Variants in ANTXR1 observed in about 807,000 individuals in gnomAD.
ANTXR1 encodes ANTXR cell adhesion molecule 1.
ANTXR1 carries 19 observed loss-of-function variants against 78.1 expected under a neutral mutation model. The observed-to-expected ratio is 0.24, with a 90% CI of 0.17 to 0.36. ANTXR1 has a LOEUF of 0.36. ANTXR1 is among the 10% of genes least tolerant of loss of function. The pLI, the probability that ANTXR1 is intolerant of heterozygous loss-of-function variation, is 1.00. For synonymous variants in ANTXR1, 273 were observed against 260.5 expected (o/e 1.05, Z -0.46); for missense variants, 518 against 718.6 (o/e 0.72, Z 3.19).
chr2:69,202,162 G>A (rs62134902), intron 17 of ANTXR1, among the ~76,000 whole-genome samples: 18,148 of 151,996 alleles, frequency 0.12, 1,158 homozygotes, highest in Non-Finnish European at 0.15. Context: ...GAACCCTGAG[G>A]GTCACATCCT....
At chr2:69,190,273 G>C (rs1674518030) in intron 16 of ANTXR1, among the ~76,000 whole-genome samples, 1 of 152,220 alleles carries the variant, frequency 6.6e-6, no homozygotes, top group African/African-American at 2.4e-5. Flanking sequence ...GATGCCGTGG[G>C]TGGCCTTAGC....
intron 1 of ANTXR1, among the ~76,000 whole-genome samples, chr2:69,026,694 A>G (rs192072928): frequency 2.1e-4 from 32 of 152,364 alleles, no homozygotes; most frequent in African/African-American, 7.7e-4. Context: ...TTGGGGCATC[A>G]TAAGAGCAGA....
At chr2:69,113,095 C>T (rs1672039887) in intron 10 of ANTXR1, among the ~76,000 whole-genome samples, 1 of 152,176 alleles carries the variant, frequency 6.6e-6, no homozygotes, top group Non-Finnish European at 1.5e-5. Flanking sequence ...ACGTGAAAAT[C>T]GTGAGCTCCA....
chr2:69,040,184 A>C (rs754379344), intron 2 of ANTXR1, 69 bp downstream of exon 2: 3 of 1,354,096 alleles, frequency 2.2e-6, no homozygotes, highest in African/African-American at 1.4e-5. Flanking sequence ...CATGTTTGCT[A>C]TTCTATTAAT....
Position 69,096,319 on chromosome 2 carries a change from AG to A in ANTXR1, c.703+5403del, listed in dbSNP as rs1671414572. 4.3e-4 allele frequency among the ~76,000 whole-genome samples: 3 copies of A among 6,926 alleles called. 1 individual carries two copies. Among genetic ancestry groups the A allele is most frequent in the African/African-American group, 3.3e-3 (2 of 598 alleles). 4.5% of individuals were successfully genotyped at this position (6,926 alleles called of 152,430 possible). On this transcript the variant is annotated intron_variant, in intron 9 of 17. Transcript: ENST00000303714. ...AAGGGAGGAAGGGAGGAAGGGAGGA[AG>A]GGAGGAAGGGAGGAAGGGAGGAAGG...
At chr2:69,127,169 A>G (rs1445279599) in intron 12 of ANTXR1, among the ~76,000 whole-genome samples, 1 of 152,220 alleles carries the variant, frequency 6.6e-6, no homozygotes, top group Non-Finnish European at 1.5e-5. Context: ...AATAGATGCT[A>G]TAGGATAATT....
intron 7 of ANTXR1, 73 bp downstream of exon 7, chr2:69,075,731 C>A: frequency 7.4e-7 from 1 of 1,356,428 alleles, no homozygotes; most frequent in Non-Finnish European, 1.1e-6. Context: ...TCAGTCAGTG[C>A]AGAGGGAAGA....
intron 12 of ANTXR1, among the ~76,000 whole-genome samples, chr2:69,128,314 G>T (rs776993084): frequency 6.6e-6 from 1 of 152,088 alleles, no homozygotes; most frequent in Non-Finnish European, 1.5e-5. Flanking sequence ...TATCAGTATT[G>T]TGAAGATTAA....
At chr2:69,086,661 G>GCACATGTGAAC (rs11267760) in intron 8 of ANTXR1, among the ~76,000 whole-genome samples, 139,782 of 152,124 alleles carry the variant, frequency 0.92, 64,313 homozygotes, top group East Asian at 0.98. Context: ...TGGGGCGTAA[G>GCACATGTGAAC]CACATGTGAA....
intron 16 of ANTXR1, among the ~76,000 whole-genome samples, chr2:69,185,965 A>G (rs1674406603): frequency 6.6e-6 from 1 of 152,168 alleles, no homozygotes; most frequent in Non-Finnish European, 1.5e-5. Flanking sequence ...GAGGAAATGC[A>G]TACATAGCCG....
chr2:69,053,709 A>T (rs1374852459), intron 3 of ANTXR1, among the ~76,000 whole-genome samples: 1 of 152,188 alleles, frequency 6.6e-6, no homozygotes, highest in Non-Finnish European at 1.5e-5. Flanking sequence ...AAAACAAAGC[A>T]TAACAGAACA....
At chr2:69,227,829 T>C (rs1205821144) in intron 17 of ANTXR1, among the ~76,000 whole-genome samples, 3 of 152,224 alleles carry the variant, frequency 2.0e-5, no homozygotes, top group Non-Finnish European at 4.4e-5. Flanking sequence ...ATAGATTACA[T>C]GGCCACACCT....
In ANTXR1 at chr2:69,155,127, C is replaced by A. The variant is rs559611113; in HGVS notation, c.1047+2863C>A. ...CCTTTCCCTAAGGACCCCACTCCCCCATTTGGGCTCTTAACTTCCAGCCAA... is the reference window on the plus strand; with the variant it reads ...CCTTTCCCTAAGGACCCCACTCCCCAATTTGGGCTCTTAACTTCCAGCCAA... On this transcript the variant is annotated intron_variant, in intron 13 of 17. Coordinates refer to ENST00000303714, the MANE Select transcript of ANTXR1 (RefSeq NM_032208.3). Among the ~76,000 whole-genome samples the A allele has an allele frequency of 6.6e-5, 10 of 152,212 alleles. 1 individual carries two copies. The highest frequency in any genetic ancestry group is 3.8e-4 in the East Asian group (2 of 5,206).
chr2:69,107,202 G>A (rs1177417837), intron 10 of ANTXR1, among the ~76,000 whole-genome samples: 4 of 151,918 alleles, frequency 2.6e-5, no homozygotes, highest in Non-Finnish European at 5.9e-5. Context: ...TATCAGATAT[G>A]TACTGTTCCA....
chr2:69,194,579 A>G (rs1297070736), intron 17 of ANTXR1, among the ~76,000 whole-genome samples: 2 of 152,240 alleles, frequency 1.3e-5, no homozygotes, highest in African/African-American at 4.8e-5. Context: ...CAGGATGGGC[A>G]CCGTGGCTCA....
intron 17 of ANTXR1, among the ~76,000 whole-genome samples, chr2:69,227,250 G>A (rs1409590918): frequency 2.0e-5 from 3 of 152,102 alleles, no homozygotes; most frequent in Non-Finnish European, 4.4e-5. Context: ...AGTTTTATCT[G>A]AGAGGCACTC....
At chr2:69,115,035 T>G (rs1243724424) in intron 10 of ANTXR1, among the ~76,000 whole-genome samples, 1 of 151,858 alleles carries the variant, frequency 6.6e-6, no homozygotes, top group African/African-American at 2.4e-5. Flanking sequence ...ACTGACATTT[T>G]GGGCTGGATA....
intron 12 of ANTXR1, among the ~76,000 whole-genome samples, chr2:69,144,611 A>G (rs1329701965): frequency 6.6e-6 from 1 of 152,226 alleles, no homozygotes; most frequent in Non-Finnish European, 1.5e-5. Context: ...AAGAAGCTCT[A>G]ATGGATCCTC....
chr2:69,176,477 C>A (rs1674121871), intron 14 of ANTXR1, among the ~76,000 whole-genome samples: 1 of 152,200 alleles, frequency 6.6e-6, no homozygotes, highest in African/African-American at 2.4e-5. Flanking sequence ...ACAGTCCTGC[C>A]AGTTCTACTT....
Sources: allele counts gnomAD v4.1 joint callset (sites outside exome capture counted in the v4.1 genomes callset), GRCh38; gene constraint gnomAD v4.1.1; transcripts MANE v1.5; gene names NCBI Gene and HGNC (gene_info 2026-07-23, HGNC 2026-07-21).